COL25A1: variants seen among roughly 807,000 people sequenced by gnomAD.
COL25A1 encodes collagen type XXV alpha 1 chain, also known as collagen alpha-1(XXV) chain.
COL25A1 carries 103 observed loss-of-function variants against 128.4 expected under a neutral mutation model. The observed-to-expected ratio is 0.80, with a 90% CI of 0.68 to 0.94. The LOEUF (loss-of-function observed/expected upper bound fraction) is 0.94, where lower values mean the gene tolerates loss of function less well. Among genes scored for constraint, COL25A1 ranks in the 40% least tolerant of loss-of-function variants. COL25A1 has a pLI of 0.00. For synonymous variants in COL25A1, 279 were observed against 277.2 expected, an observed-to-expected ratio of 1.01 and a Z score of -0.06; for missense variants, 745 against 840.0, an observed-to-expected ratio of 0.89 and a Z score of 1.40.
intron 3 of COL25A1, among the ~76,000 whole-genome samples, chr4:109,082,757 T>C (rs913820476): frequency 6.6e-6 from 1 of 152,210 alleles, no homozygotes; most frequent in Non-Finnish European, 1.5e-5. Flanking sequence ...TTTCACCTTT[T>C]TTTCTTTTTT....
chr4:108,947,988 G>T (rs935655336), intron 8 of COL25A1, among the ~76,000 whole-genome samples: 15 of 152,130 alleles, frequency 9.9e-5, no homozygotes, highest in African/African-American at 3.6e-4. Context: ...GATTCTGTTT[G>T]CCCAAAATAC....
At chr4:109,129,575 G>A (rs1266328909) in intron 3 of COL25A1, among the ~76,000 whole-genome samples, 4 of 152,164 alleles carry the variant, frequency 2.6e-5, no homozygotes, top group Admixed American at 1.3e-4. Flanking sequence ...AATGTTTAGA[G>A]TGGACAATTT....
intron 3 of COL25A1, among the ~76,000 whole-genome samples, chr4:109,230,589 C>A (rs143885074): frequency 6.6e-6 from 1 of 152,134 alleles, no homozygotes; most frequent in African/African-American, 2.4e-5. Context: ...ATGTTAATAC[C>A]CACATGAAAT....
intron 3 of COL25A1, among the ~76,000 whole-genome samples, chr4:109,219,427 A>G (rs1242523395): frequency 6.6e-6 from 1 of 152,022 alleles, no homozygotes; most frequent in Non-Finnish European, 1.5e-5. Context: ...GACTGAGAAC[A>G]AATAATTCTT....
At chr4:108,896,801 C>G in intron 15 of COL25A1, 90 bp from the exon 16 acceptor site, 2 of 1,140,046 alleles carry the variant, frequency 1.8e-6, no homozygotes, top group South Asian at 2.5e-5. Context: ...CTTTCATGAA[C>G]ACTACATATT....
chr4:109,189,506 C>T (rs1775409502), intron 3 of COL25A1, among the ~76,000 whole-genome samples: 1 of 146,046 alleles, frequency 6.8e-6, no homozygotes, highest in Non-Finnish European at 1.5e-5. Context: ...CGAGATCACG[C>T]CACTGCACTC....
chr4:108,966,377 CA>C (rs1751296667), intron 8 of COL25A1, among the ~76,000 whole-genome samples: 1 of 152,106 alleles, frequency 6.6e-6, no homozygotes, highest in Non-Finnish European at 1.5e-5. Flanking sequence ...GTCTTATTCA[CA>C]GAGGCCTGGG....
intron 6 of COL25A1, among the ~76,000 whole-genome samples, chr4:109,006,715 T>C (rs776115503): frequency 2.2e-4 from 34 of 152,314 alleles, no homozygotes; most frequent in Non-Finnish European, 2.1e-4. Flanking sequence ...CTGCTGCACA[T>C]ATTGATAATC....
chr4:109,141,383 C>T (rs965342891), intron 3 of COL25A1, among the ~76,000 whole-genome samples: 8 of 152,054 alleles, frequency 5.3e-5, no homozygotes, highest in African/African-American at 1.9e-4. Context: ...GGGATACTGG[C>T]CAGAAATTTC....
intron 3 of COL25A1, among the ~76,000 whole-genome samples, chr4:109,104,408 C>CTCTCTG (rs1766208669): frequency 6.6e-6 from 1 of 151,528 alleles, no homozygotes; most frequent in African/African-American, 2.4e-5. Context: ...ATCACTCTCT[C>CTCTCTG]TCTCTCTCTC....
chr4:109,125,415 A>G (rs1481400021), intron 3 of COL25A1, among the ~76,000 whole-genome samples: 1 of 152,148 alleles, frequency 6.6e-6, no homozygotes, highest in Non-Finnish European at 1.5e-5. Flanking sequence ...AGGGTGCTGA[A>G]CACCCGATTT....
rs914079302 is a variant in COL25A1 at position 108,857,215 on chromosome 4, C to A, written c.1320+2441G>T. Reference sequence around the variant, plus strand: ...GAAGTAGTTCAAGGGCAATTTACAACATTGCTAATAAACTAAGTTTTTAAA... The same window carrying A: ...GAAGTAGTTCAAGGGCAATTTACAAAATTGCTAATAAACTAAGTTTTTAAA... On this transcript the variant is annotated intron_variant, in intron 24 of 37. Coordinates refer to ENST00000399132, the MANE Select transcript of COL25A1 (RefSeq NM_198721.4). Among the ~76,000 whole-genome samples the A allele has an allele frequency of 2.6e-5, 4 of 152,058 alleles. No individual in the cohort carries two copies. In the South Asian group the frequency reaches 8.3e-4, roughly 31 times the overall value.
intron 3 of COL25A1, among the ~76,000 whole-genome samples, chr4:109,211,704 T>G (rs895414785): frequency 6.6e-6 from 1 of 152,136 alleles, no homozygotes; most frequent in African/African-American, 2.4e-5. Context: ...GACATTCCGT[T>G]GCTGGAGATT....
At chr4:108,933,688 A>G (rs1313394210) in intron 11 of COL25A1, among the ~76,000 whole-genome samples, 1 of 152,184 alleles carries the variant, frequency 6.6e-6, no homozygotes. Flanking sequence ...ATTTCATATT[A>G]TCATTTCACT....
chr4:108,951,542 C>G (rs1398735199), intron 8 of COL25A1, among the ~76,000 whole-genome samples: 1 of 151,864 alleles, frequency 6.6e-6, no homozygotes, highest in Admixed American at 6.6e-5. Context: ...CCCACCACCA[C>G]GCCCGGCAAA....
At chr4:109,285,557 C>T (rs1723798609) in intron 3 of COL25A1, among the ~76,000 whole-genome samples, 1 of 152,170 alleles carries the variant, frequency 6.6e-6, no homozygotes, top group African/African-American at 2.4e-5. Flanking sequence ...ACGAATAATG[C>T]AATTCACACA....
intron 3 of COL25A1, among the ~76,000 whole-genome samples, chr4:109,227,037 C>G (rs1444837850): frequency 1.3e-5 from 2 of 152,104 alleles, no homozygotes; most frequent in Admixed American, 1.3e-4. Context: ...GATGAATAAC[C>G]TAAGTCTTTT....
At chr4:109,112,892 T>C (rs1354529734) in intron 3 of COL25A1, among the ~76,000 whole-genome samples, 12 of 152,126 alleles carry the variant, frequency 7.9e-5, no homozygotes, top group Non-Finnish European at 1.2e-4. Flanking sequence ...AGTAGTTATA[T>C]AAAATTGGCA....
chr4:108,880,974 G>A (rs1369871477), intron 19 of COL25A1, among the ~76,000 whole-genome samples: 6 of 152,070 alleles, frequency 3.9e-5, no homozygotes, highest in Admixed American at 3.9e-4. Flanking sequence ...AATTTTCTGG[G>A]CTCAAATCTT....
Sources: gnomAD v4.1 joint callset for allele counts (sites outside exome capture counted in the v4.1 genomes callset) on GRCh38, gnomAD v4.1.1 for gene constraint, MANE v1.5 for transcripts, NCBI Gene and HGNC (gene_info 2026-07-23, HGNC 2026-07-21) for gene names.